Variants in PTPRM observed in about 807,000 individuals in gnomAD.
PTPRM encodes receptor-type tyrosine-protein phosphatase mu.
A neutral mutation model predicts 186.7 loss-of-function variants in PTPRM; 47 were observed. The ratio of observed to expected loss-of-function variants is 0.25; its 90% CI spans 0.20 to 0.32. PTPRM has a LOEUF of 0.32. Ranked by LOEUF, PTPRM falls within the 10% of genes least tolerant of loss-of-function variation. The probability of loss-of-function intolerance (pLI) is 1.00; values close to 1 mark genes in which losing one functional copy is unlikely to be tolerated. For synonymous variants in PTPRM, 668 were observed against 674.9 expected (o/e 0.99, Z 0.16); for missense variants, 1,494 against 1,865.0 (o/e 0.80, Z 3.66).
intron 11 of PTPRM, among the ~76,000 whole-genome samples, chr18:8,089,115 G>A (rs115584922): frequency 6.6e-6 from 1 of 152,178 alleles, no homozygotes; most frequent in Non-Finnish European, 1.5e-5. Context: ...GTCTGTTGAG[G>A]AGGTAGTTTT....
chr18:7,799,985 A>G (rs1422308533), intron 2 of PTPRM, among the ~76,000 whole-genome samples: 1 of 152,178 alleles, frequency 6.6e-6, no homozygotes, highest in Admixed American at 6.5e-5. Context: ...AGTATCTGTG[A>G]AAGTGACAGG....
At chr18:8,208,919 G>A (rs937306699) in intron 14 of PTPRM, among the ~76,000 whole-genome samples, 1 of 152,178 alleles carries the variant, frequency 6.6e-6, no homozygotes, top group Admixed American at 6.5e-5. Flanking sequence ...ATGCAGGAGA[G>A]CATAAGCATG....
chr18:7,880,795 A>T (rs558481999), intron 2 of PTPRM, among the ~76,000 whole-genome samples: 1 of 152,292 alleles, frequency 6.6e-6, no homozygotes, highest in South Asian at 2.1e-4. Context: ...GGAGGGGTGT[A>T]ACCTGGTATT....
intron 14 of PTPRM, among the ~76,000 whole-genome samples, chr18:8,172,136 A>G (rs1256315612): frequency 1.3e-5 from 2 of 152,188 alleles, no homozygotes; most frequent in African/African-American, 4.8e-5. Flanking sequence ...AGCAGTTTAC[A>G]AAAGAAAGAG....
At chr18:7,776,478 T>C (rs1039330382) in intron 2 of PTPRM, among the ~76,000 whole-genome samples, 4 of 151,918 alleles carry the variant, frequency 2.6e-5, no homozygotes, top group African/African-American at 9.7e-5. Flanking sequence ...TTTGCCATAA[T>C]ATAGAACTGA....
At position 8,385,882 on chromosome 18, in the gene PTPRM, T is replaced by C. The variant is rs148659077; in HGVS notation, c.4045-1190T>C. Among the ~76,000 whole-genome samples, 555 of 151,978 alleles carry C rather than the reference T, an allele frequency of 3.7e-3. 2 individuals are homozygous for C. The highest frequency in any genetic ancestry group is 0.013 in the African/African-American group (525 of 41,446). On this transcript the variant is annotated intron_variant, in intron 30 of 32. Transcript: ENST00000580170. ...TAATCCCCGTGAGAAATGACAGTGA[T>C]AGGAGAGGAGATCATGGTGAGACGG... is the stretch of plus-strand genomic sequence containing the variant.
At chr18:8,305,607 G>A (rs910578816) in intron 20 of PTPRM, among the ~76,000 whole-genome samples, 5 of 152,162 alleles carry the variant, frequency 3.3e-5, no homozygotes, top group Non-Finnish European at 5.9e-5. Context: ...TCGGGAGCCC[G>A]GGATCCTAAC....
intron 7 of PTPRM, among the ~76,000 whole-genome samples, chr18:7,972,864 TCTCTATGTAAG>T (rs1219944903): frequency 2.0e-5 from 3 of 152,116 alleles, no homozygotes; most frequent in Non-Finnish European, 4.4e-5. Flanking sequence ...TCCTTCAACA[TCTCTATGTAAG>T]CTCATTTAGG....
chr18:8,260,935 A>G (rs1234707930), intron 19 of PTPRM, among the ~76,000 whole-genome samples: 1 of 152,226 alleles, frequency 6.6e-6, no homozygotes, highest in Admixed American at 6.5e-5. Flanking sequence ...AGAATGGTGC[A>G]CAGCAGCCCC....
chr18:8,219,284 G>A (rs746744150), intron 14 of PTPRM, among the ~76,000 whole-genome samples: 1 of 152,126 alleles, frequency 6.6e-6, no homozygotes, highest in Non-Finnish European at 1.5e-5. Flanking sequence ...TGGCTAACAT[G>A]GTGAAACCCC....
chr18:7,975,653 T>G (rs901387022), intron 7 of PTPRM, among the ~76,000 whole-genome samples: 1 of 152,230 alleles, frequency 6.6e-6, no homozygotes, highest in Non-Finnish European at 1.5e-5. Flanking sequence ...ATTTCATAGC[T>G]AATGCATTAC....
intron 5 of PTPRM, among the ~76,000 whole-genome samples, chr18:7,942,544 G>A (rs1039736230): frequency 6.6e-6 from 1 of 151,926 alleles, no homozygotes; most frequent in African/African-American, 2.4e-5. Flanking sequence ...GCCTTTAGGG[G>A]AGGATGGAGG....
At chr18:7,577,356 A>G (rs929617156) in intron 1 of PTPRM, among the ~76,000 whole-genome samples, 11 of 152,258 alleles carry the variant, frequency 7.2e-5, no homozygotes, top group Admixed American at 5.9e-4. Context: ...AATGAAATTT[A>G]CTATGCAGTA....
At chr18:7,858,669 T>C (rs2146019392) in intron 2 of PTPRM, among the ~76,000 whole-genome samples, 1 of 152,360 alleles carries the variant, frequency 6.6e-6, no homozygotes, top group South Asian at 2.1e-4. Flanking sequence ...ATATGTAGAA[T>C]ACTTAACGCA....
chr18:8,115,331 A>G (rs915351238), intron 13 of PTPRM, among the ~76,000 whole-genome samples: 3 of 152,172 alleles, frequency 2.0e-5, no homozygotes, highest in Non-Finnish European at 4.4e-5. Flanking sequence ...GCTGTGGAGC[A>G]TCTATTTCCC....
At chr18:7,723,223 C>A (rs1402630062) in intron 1 of PTPRM, among the ~76,000 whole-genome samples, 2 of 152,178 alleles carry the variant, frequency 1.3e-5, no homozygotes, top group Non-Finnish European at 2.9e-5. Flanking sequence ...GGCTGGTCAG[C>A]CCATTCCCAG....
intron 14 of PTPRM, among the ~76,000 whole-genome samples, chr18:8,164,018 T>C (rs896263199): frequency 1.3e-5 from 2 of 152,222 alleles, no homozygotes; most frequent in African/African-American, 4.8e-5. Flanking sequence ...TGTGTGCAAG[T>C]AACAATCTAG....
At position 8,069,909 on chromosome 18, in the gene PTPRM, C is replaced by T. The variant is rs372901297; in HGVS notation, c.1356C>T (p.Tyr452=). 310 of 1,613,820 alleles carry T rather than the reference C, an allele frequency of 1.9e-4. 2 individuals are homozygous for T. The highest frequency in any genetic ancestry group is 5.3e-5 in the Non-Finnish European group (62 of 1,179,860). Residue 452 remains tyrosine, a synonymous_variant, in exon 8 of 33, where the codon TAC becomes TAT. Transcript: ENST00000580170. ...PQHTITNLSP[Y]TNVSVKLILM... Reference sequence around the variant, plus strand: ...ACACGATCACTAACCTGTCACCATACACCAATGTCAGTGTGAAACTGATCC... The same window carrying T: ...ACACGATCACTAACCTGTCACCATATACCAATGTCAGTGTGAAACTGATCC...
At chr18:7,638,946 G>A (rs1425943455) in intron 1 of PTPRM, among the ~76,000 whole-genome samples, 1 of 152,136 alleles carries the variant, frequency 6.6e-6, no homozygotes, top group East Asian at 1.9e-4. Flanking sequence ...TTTCCTCACA[G>A]TGGAAAAGTT....
Sources: allele counts gnomAD v4.1 joint callset (sites outside exome capture counted in the v4.1 genomes callset), GRCh38; gene constraint gnomAD v4.1.1; transcripts MANE v1.5; gene names NCBI Gene and HGNC (gene_info 2026-07-23, HGNC 2026-07-21).